Variants in EDA observed in about 807,000 individuals in gnomAD.
The protein encoded by EDA is ectodysplasin A, also known as ectodysplasin-A.
In EDA, 2 loss-of-function variants were observed where a neutral mutation model predicts 23.6. The ratio of observed to expected loss-of-function variants is 0.08; its 90% confidence interval spans 0.03 to 0.27. The LOEUF (loss-of-function observed/expected upper bound fraction) is 0.27, where lower values mean the gene tolerates loss of function less well. Among genes scored for constraint, EDA ranks in the 10% least tolerant of loss-of-function variants. The probability of loss-of-function intolerance (pLI) is 1.00; values close to 1 mark genes in which losing one functional copy is unlikely to be tolerated. For missense variants in EDA, 229 were observed against 324.2 expected, an observed-to-expected ratio of 0.71 and a Z score of 2.26; for synonymous variants, 131 against 132.0, an observed-to-expected ratio of 0.99 and a Z score of 0.05.
intron 2 of EDA, among the ~76,000 whole-genome samples, chrX:69,998,419 A>G (rs1401286826): frequency 8.9e-6 from 1 of 112,393 alleles, no homozygotes; most frequent in Non-Finnish European, 1.9e-5. Context: ...CACTTATTGT[A>G]TCTAGGAAGT....
At chrX:69,977,453 T>G (rs6625551) in intron 2 of EDA, among the ~76,000 whole-genome samples, 9,972 of 111,661 alleles carry the variant, frequency 0.089, 852 homozygotes, top group East Asian at 0.62. Context: ...TCCAAAGTAA[T>G]ATAAATCTAC....
intron 1 of EDA, among the ~76,000 whole-genome samples, chrX:69,776,142 G>A: frequency 8.9e-6 from 1 of 112,054 alleles, no homozygotes; most frequent in East Asian, 2.8e-4. Context: ...AATGTCACTT[G>A]TTATTCTATA....
chrX:69,675,202 A>G (rs765565053), intron 1 of EDA, among the ~76,000 whole-genome samples: 1 of 111,136 alleles, frequency 9.0e-6, no homozygotes, highest in Admixed American at 9.6e-5. Flanking sequence ...GCTGGTCTCA[A>G]TCTCCCAGGC....
At chrX:70,011,528 A>G (rs912190630) in intron 2 of EDA, among the ~76,000 whole-genome samples, 1 of 110,504 alleles carries the variant, frequency 9.0e-6, no homozygotes, top group Admixed American at 9.7e-5. Context: ...ACAGGGTTTC[A>G]CCATGTTGGC....
chrX:69,637,420 A>G (rs1366317915), intron 1 of EDA, among the ~76,000 whole-genome samples: 1 of 111,837 alleles, frequency 8.9e-6, no homozygotes, highest in Non-Finnish European at 1.9e-5. Flanking sequence ...GCCTTGGGAA[A>G]GACCTGTATC....
chrX:70,025,656 T>A (rs1402442513), intron 3 of EDA, among the ~76,000 whole-genome samples: 3 of 112,189 alleles, frequency 2.7e-5, no homozygotes, highest in Non-Finnish European at 5.6e-5. Flanking sequence ...CTACACTAGC[T>A]GGAATTGAAA....
intron 1 of EDA, among the ~76,000 whole-genome samples, chrX:69,737,601 GTTAT>G (rs1216084590): frequency 8.9e-6 from 1 of 111,847 alleles, no homozygotes; most frequent in Non-Finnish European, 1.9e-5. Context: ...GCTTTACATA[GTTAT>G]TTATCTTTTA....
At chrX:69,839,193 C>T (rs1292857351) in intron 1 of EDA, among the ~76,000 whole-genome samples, 1 of 111,927 alleles carries the variant, frequency 8.9e-6, no homozygotes, top group African/African-American at 3.2e-5. Context: ...GTCCAAATGG[C>T]TTCAACTCAC....
chrX:69,775,268 C>A (rs2014746304), intron 1 of EDA, among the ~76,000 whole-genome samples: 1 of 111,304 alleles, frequency 9.0e-6, no homozygotes, highest in South Asian at 3.8e-4. Context: ...TCTCAGTCAT[C>A]ACTTTTTGTA....
chrX:69,802,759 TG>T (rs2015723001), intron 1 of EDA, among the ~76,000 whole-genome samples: 1 of 111,733 alleles, frequency 8.9e-6, no homozygotes, highest in Admixed American at 9.6e-5. Context: ...AATGGCTGTC[TG>T]GCAGTGTCTG....
chrX:69,742,481 T>G (rs1057459411), intron 1 of EDA, among the ~76,000 whole-genome samples: 3 of 111,912 alleles, frequency 2.7e-5, no homozygotes, highest in Admixed American at 9.5e-5. Flanking sequence ...ATGTAGTAGA[T>G]TTTCTTGAAG....
chrX:69,648,235 C>T (rs898034620), intron 1 of EDA, among the ~76,000 whole-genome samples: 4 of 111,626 alleles, frequency 3.6e-5, no homozygotes, highest in African/African-American at 1.3e-4. Flanking sequence ...TGTTGTATTT[C>T]GGGGGGACCC....
At chrX:69,742,272 A>G (rs1384743012) in intron 1 of EDA, among the ~76,000 whole-genome samples, 1 of 111,211 alleles carries the variant, frequency 9.0e-6, no homozygotes, top group Admixed American at 9.6e-5. Context: ...TAGGTAAGAA[A>G]TGTTGGCATC....
intron 1 of EDA, among the ~76,000 whole-genome samples, chrX:69,728,450 G>A (rs1231440336): frequency 9.0e-6 from 1 of 111,700 alleles, no homozygotes; most frequent in African/African-American, 3.3e-5. Context: ...TGCATTTTGG[G>A]CAGAGGAAAC....
At chrX:69,647,857 T>C (rs1932972123) in intron 1 of EDA, among the ~76,000 whole-genome samples, 2 of 111,997 alleles carry the variant, frequency 1.8e-5, no homozygotes, top group South Asian at 7.5e-4. Flanking sequence ...TACTGACCTT[T>C]GAATTAGATT....
chrX:69,847,884 A>G (rs1306209280), intron 1 of EDA, among the ~76,000 whole-genome samples: 2 of 111,796 alleles, frequency 1.8e-5, no homozygotes, highest in Non-Finnish European at 3.8e-5. Context: ...TGATAAGTCT[A>G]TTTTTATGTT....
intron 1 of EDA, among the ~76,000 whole-genome samples, chrX:69,708,684 C>T (rs1381122313): frequency 9.0e-6 from 1 of 111,189 alleles, no homozygotes; most frequent in Non-Finnish European, 1.9e-5. Flanking sequence ...CCAACAAAAC[C>T]TGTATCTGGC....
chrX:69,946,146 T>C (rs960009332), intron 1 of EDA, among the ~76,000 whole-genome samples: 2 of 111,709 alleles, frequency 1.8e-5, no homozygotes, highest in African/African-American at 6.5e-5. Flanking sequence ...CCAGGCCCTT[T>C]ACTGTTTTTC....
Position 69,667,279 on chromosome X carries a change from A to T in EDA, c.396+50575A>T, listed in dbSNP as rs761855988. ...AGGCGCCCACCACCACGCCCAGCTAATTTTTTTTTATTTTTAGTAGAGACA... is the reference window on the plus strand; with the variant it reads ...AGGCGCCCACCACCACGCCCAGCTATTTTTTTTTTATTTTTAGTAGAGACA... On this transcript the variant is annotated intron_variant, in intron 1 of 7. Transcript: ENST00000374552. Among the ~76,000 whole-genome samples, 314 of 106,347 alleles carry T rather than the reference A, an allele frequency of 3.0e-3. 2 individuals carry two copies. The highest frequency in any genetic ancestry group is 0.01 in the African/African-American group (304 of 29,252). The allele number at this position is 106,347 out of a possible 115,157, so 92.3% of individuals were successfully genotyped here.
Sources: allele counts gnomAD v4.1 joint callset (sites outside exome capture counted in the v4.1 genomes callset), GRCh38; gene constraint gnomAD v4.1.1; transcripts MANE v1.5; gene names NCBI Gene and HGNC (gene_info 2026-07-23, HGNC 2026-07-21).